The following ADAMTS3 variants were observed in gnomAD, a reference collection of about 807,000 sequenced individuals.
The protein encoded by ADAMTS3 is ADAM metallopeptidase with thrombospondin type 1 motif 3.
ADAMTS3 carries 73 observed loss-of-function variants against 129.0 expected under a neutral mutation model. The ratio of observed to expected loss-of-function variants is 0.57; its 90% CI spans 0.47 to 0.69. The LOEUF is 0.69. Ranked by LOEUF, ADAMTS3 falls within the 30% of genes least tolerant of loss-of-function variation. ADAMTS3 has a pLI of 0.00. For synonymous variants in ADAMTS3, 477 were observed against 510.8 expected (o/e 0.93, Z 0.89); for missense variants, 1,457 against 1,514.5 (o/e 0.96, Z 0.63).
chr4:72,518,047 C>T (rs1273945426), intron 3 of ADAMTS3, among the ~76,000 whole-genome samples: 3 of 152,006 alleles, frequency 2.0e-5, no homozygotes, highest in African/African-American at 2.4e-5. Context: ...TCTTTGTTCT[C>T]GTTGGTTTCA....
chr4:72,530,737 TATATATATTATATA>T lies in ADAMTS3; in HGVS notation c.504+17727_504+17740del, dbSNP rs1310835177. On this transcript the variant is annotated intron_variant, in intron 3 of 21. Coordinates refer to ENST00000286657, the MANE Select transcript of ADAMTS3 (RefSeq NM_014243.3). ...ATATATAATATTATACATTATATATTATATATATTATATATTATATATTATATAGATTATATATA... is the reference window on the plus strand; with the variant it reads ...ATATATAATATTATACATTATATATTTTATATATTATATAGATTATATATA... Among the ~76,000 whole-genome samples the T allele has an allele frequency of 1.8e-4, 9 of 50,240 alleles. No individual in the cohort carries two copies. The East Asian group carries it at 6.5e-3, about 36-fold the overall frequency. 33.0% of individuals were successfully genotyped at this position (50,240 alleles called of 152,430 possible). A position where few individuals can be genotyped will look rare whatever the true frequency, so the allele number is the denominator to read the frequency against.
chr4:72,532,130 A>G (rs888536869), intron 3 of ADAMTS3, among the ~76,000 whole-genome samples: 1 of 152,140 alleles, frequency 6.6e-6, no homozygotes, highest in Non-Finnish European at 1.5e-5. Flanking sequence ...GTACCATTGC[A>G]CACATACAAG....
At chr4:72,362,182 C>T (rs546090814) in intron 4 of ADAMTS3, among the ~76,000 whole-genome samples, 4 of 151,940 alleles carry the variant, frequency 2.6e-5, no homozygotes, top group African/African-American at 9.7e-5. Context: ...AGTTCCATGA[C>T]GGGAGGGTAG....
In ADAMTS3 at chr4:72,312,271, G is replaced by A. The variant is rs2109798025; in HGVS notation, c.1921+20C>T. ...GAGTAACCATCCACACAGCAGGAAG[G>A]AGAGCACGAGGCTACTCACGGTCAG... On this transcript the variant is annotated intron_variant, in intron 13 of 21. Coordinates refer to ENST00000286657, the MANE Select transcript of ADAMTS3 (RefSeq NM_014243.3). 1.9e-6 allele frequency: 3 copies of A among 1,612,898 alleles called. No individual in the cohort carries two copies. The highest frequency in any genetic ancestry group is 1.7e-6 in the Non-Finnish European group (2 of 1,179,304).
At chr4:72,317,339 C>G (rs547968555) in intron 10 of ADAMTS3, among the ~76,000 whole-genome samples, 1 of 152,102 alleles carries the variant, frequency 6.6e-6, no homozygotes, top group Non-Finnish European at 1.5e-5. Flanking sequence ...ACAGTGTATA[C>G]CTTATAGACA....
intron 3 of ADAMTS3, among the ~76,000 whole-genome samples, chr4:72,530,820 T>C (rs1463890685): frequency 1.0e-4 from 11 of 106,080 alleles, no homozygotes; most frequent in Non-Finnish European, 1.6e-4. Context: ...TATTATATAT[T>C]ATATAGATTA....
chr4:72,492,602 C>A (rs1719776716), intron 3 of ADAMTS3, among the ~76,000 whole-genome samples: 1 of 151,578 alleles, frequency 6.6e-6, no homozygotes, highest in South Asian at 2.1e-4. Context: ...TTTTTATTTT[C>A]TTAAATTTGT....
At chr4:72,427,431 T>C (rs1286011276) in intron 3 of ADAMTS3, among the ~76,000 whole-genome samples, 2 of 152,108 alleles carry the variant, frequency 1.3e-5, no homozygotes, top group South Asian at 2.1e-4. Context: ...ATGACCTTTT[T>C]ATTCAGCTGA....
intron 3 of ADAMTS3, among the ~76,000 whole-genome samples, chr4:72,432,499 G>A (rs141258021): frequency 2.6e-4 from 39 of 151,840 alleles, no homozygotes; most frequent in African/African-American, 7.2e-4. Context: ...CCTTATCACC[G>A]CCCACACTTC....
At chr4:72,300,895 A>G (rs1363611402) in intron 17 of ADAMTS3, among the ~76,000 whole-genome samples, 1 of 152,152 alleles carries the variant, frequency 6.6e-6, no homozygotes, top group Non-Finnish European at 1.5e-5. Context: ...CTAAGCTTGG[A>G]AGCAGAGTAA....
intron 21 of ADAMTS3, among the ~76,000 whole-genome samples, chr4:72,288,416 G>T (rs1452881743): frequency 6.6e-6 from 1 of 152,180 alleles, no homozygotes; most frequent in African/African-American, 2.4e-5. Context: ...TTTTAATAAA[G>T]ATGTGAAGTT....
intron 4 of ADAMTS3, among the ~76,000 whole-genome samples, chr4:72,406,639 A>G (rs1202042333): frequency 6.6e-6 from 1 of 152,206 alleles, no homozygotes; most frequent in Non-Finnish European, 1.5e-5. Context: ...GGAACGAATG[A>G]TGCTTTTATG....
intron 5 of ADAMTS3, among the ~76,000 whole-genome samples, chr4:72,324,895 T>C (rs978865509): frequency 6.6e-6 from 1 of 152,188 alleles, no homozygotes; most frequent in Non-Finnish European, 1.5e-5. Flanking sequence ...AAAGCCTGAA[T>C]GTCACACATT....
At chr4:72,416,723 A>G (rs1335050101) in intron 3 of ADAMTS3, among the ~76,000 whole-genome samples, 1 of 152,164 alleles carries the variant, frequency 6.6e-6, no homozygotes, top group Non-Finnish European at 1.5e-5. Context: ...TACAAATATA[A>G]TTTCCAACAT....
chr4:72,563,573 T>C (rs745334321), intron 2 of ADAMTS3, among the ~76,000 whole-genome samples: 4 of 152,124 alleles, frequency 2.6e-5, no homozygotes, highest in Non-Finnish European at 4.4e-5. Context: ...AAATACTTAT[T>C]GAGTACAAAC....
At position 72,433,057 on chromosome 4, in the gene ADAMTS3, C is replaced by CA. The variant is rs531805975; in HGVS notation, c.505-18087dup. Among the ~76,000 whole-genome samples, 674 of 151,952 alleles carry CA rather than the reference C, an allele frequency of 4.4e-3. 2 individuals carry two copies. Among genetic ancestry groups the CA allele is most frequent in the Non-Finnish European group, 7.6e-3 (518 of 67,896 alleles). On this transcript the variant is annotated intron_variant, in intron 3 of 21. Coordinates refer to ENST00000286657, the MANE Select transcript of ADAMTS3 (RefSeq NM_014243.3). ...GGGCTGCCAAATGGCTGAACCAGCCCAAAACAGTTTACAGTATTGAAATAT... is the reference window on the plus strand; with the variant it reads ...GGGCTGCCAAATGGCTGAACCAGCCCAAAAACAGTTTACAGTATTGAAATAT...
At chr4:72,491,826 C>T (rs572347613) in intron 3 of ADAMTS3, among the ~76,000 whole-genome samples, 2 of 151,678 alleles carry the variant, frequency 1.3e-5, no homozygotes, top group Non-Finnish European at 3.0e-5. Flanking sequence ...TTTTCTGGAA[C>T]AGTCTGAGAC....
At chr4:72,532,447 G>A (rs1351751389) in intron 3 of ADAMTS3, among the ~76,000 whole-genome samples, 1 of 151,634 alleles carries the variant, frequency 6.6e-6, no homozygotes, top group Non-Finnish European at 1.5e-5. Context: ...TTCCCTAACA[G>A]TCCATCTAAG....
intron 3 of ADAMTS3, among the ~76,000 whole-genome samples, chr4:72,432,472 G>A (rs559392728): frequency 2.0e-5 from 3 of 151,950 alleles, no homozygotes; most frequent in Non-Finnish European, 4.4e-5. Flanking sequence ...TGGGTGACTC[G>A]CCATTCCATG....
Sources: gnomAD v4.1 joint callset for allele counts (sites outside exome capture counted in the v4.1 genomes callset) on GRCh38, gnomAD v4.1.1 for gene constraint, MANE v1.5 for transcripts, NCBI Gene and HGNC (gene_info 2026-07-23, HGNC 2026-07-21) for gene names.